Variants in PCCA observed in about 807,000 individuals in gnomAD.
The protein encoded by PCCA is propionyl-CoA carboxylase alpha chain, mitochondrial.
In PCCA, 74 loss-of-function variants were observed where a neutral mutation model predicts 101.3. That is an observed-to-expected ratio of 0.73 (90% CI 0.61 to 0.89). The LOEUF (loss-of-function observed/expected upper bound fraction) is 0.89. Among genes scored for constraint, PCCA ranks in the 40% least tolerant of loss-of-function variants. The pLI is 0.00. For synonymous variants in PCCA, 294 were observed against 313.6 expected, an observed-to-expected ratio of 0.94 and a Z score of 0.66; for missense variants, 891 against 907.0, an observed-to-expected ratio of 0.98 and a Z score of 0.23.
chr13:100,286,209 A>G (rs2152642899), intron 12 of PCCA, among the ~76,000 whole-genome samples: 1 of 152,270 alleles, frequency 6.6e-6, no homozygotes, highest in African/African-American at 2.4e-5. Context: ...TTTATTTTTA[A>G]TAAAATTTTC....
At chr13:100,434,574 T>C (rs1159622856) in intron 20 of PCCA, among the ~76,000 whole-genome samples, 1 of 152,118 alleles carries the variant, frequency 6.6e-6, no homozygotes, top group Non-Finnish European at 1.5e-5. Context: ...GGGGAACTTC[T>C]CACCTGCAGA....
intron 14 of PCCA, among the ~76,000 whole-genome samples, chr13:100,306,585 C>T (rs941192166): frequency 2.6e-5 from 4 of 152,154 alleles, no homozygotes; most frequent in African/African-American, 9.7e-5. Context: ...ATATTTTGAA[C>T]TTGTGCTATC....
chr13:100,156,457 A>G (rs1479835706), intron 5 of PCCA, among the ~76,000 whole-genome samples: 1 of 152,164 alleles, frequency 6.6e-6, no homozygotes, highest in Non-Finnish European at 1.5e-5. Flanking sequence ...TTTTAGCAGA[A>G]TTATTTTACT....
chr13:100,149,004 A>T lies in PCCA; in HGVS notation c.301-5975A>T, dbSNP rs564697857. Among the ~76,000 whole-genome samples the T allele has an allele frequency of 2.0e-5, 3 of 152,272 alleles. No individual in the cohort carries two copies. In the East Asian group the frequency reaches 5.8e-4, roughly 29 times the overall value. ...GAATCAAAGCGAATCTTTAAAAAAA[A>T]TCATTTTGTTTTCTATGATCAAATT... On this transcript the variant is annotated intron_variant, in intron 4 of 23. Coordinates refer to ENST00000376285, the MANE Select transcript of PCCA (RefSeq NM_000282.4).
At chr13:100,185,693 G>C (rs1254423721) in intron 6 of PCCA, among the ~76,000 whole-genome samples, 3 of 147,890 alleles carry the variant, frequency 2.0e-5, no homozygotes, top group African/African-American at 5.0e-5. Flanking sequence ...TGTTGCCCAC[G>C]CTGGAGTGCA....
At chr13:100,336,472 A>C (rs918174014) in intron 17 of PCCA, among the ~76,000 whole-genome samples, 1 of 152,178 alleles carries the variant, frequency 6.6e-6, no homozygotes, top group Non-Finnish European at 1.5e-5. Flanking sequence ...AGGTGCTGTT[A>C]CATGGTTTTG....
intron 18 of PCCA, among the ~76,000 whole-genome samples, chr13:100,352,399 C>CT (rs67318662): frequency 0.022 from 2,907 of 134,526 alleles, 92 homozygotes; most frequent in African/African-American, 0.069. Context: ...ACAAAATAGC[C>CT]TTTTTTTTTT....
At chr13:100,387,322 C>G (rs1177723614) in intron 19 of PCCA, among the ~76,000 whole-genome samples, 1 of 152,160 alleles carries the variant, frequency 6.6e-6, no homozygotes, top group Non-Finnish European at 1.5e-5. Context: ...GGTGTATGAA[C>G]TACCCAGAGA....
At chr13:100,529,646 A>G (rs1387634647) in intron 23 of PCCA, among the ~76,000 whole-genome samples, 1 of 152,174 alleles carries the variant, frequency 6.6e-6, no homozygotes, top group Non-Finnish European at 1.5e-5. Context: ...TCAGCAGCTG[A>G]TCTGACTGTC....
At chr13:100,263,476 T>A (rs1276398923) in intron 10 of PCCA, among the ~76,000 whole-genome samples, 1 of 152,190 alleles carries the variant, frequency 6.6e-6, no homozygotes, top group Non-Finnish European at 1.5e-5. Context: ...GGGAACCAGA[T>A]AAATAAAAGG....
intron 19 of PCCA, among the ~76,000 whole-genome samples, chr13:100,401,158 A>G (rs955094691): frequency 1.3e-5 from 2 of 152,038 alleles, no homozygotes; most frequent in Admixed American, 1.3e-4. Flanking sequence ...TCAAAGTAGC[A>G]TTGCTTGAAA....
intron 18 of PCCA, among the ~76,000 whole-genome samples, chr13:100,353,528 A>G (rs1463022477): frequency 2.0e-5 from 3 of 152,250 alleles, no homozygotes; most frequent in South Asian, 2.1e-4. Flanking sequence ...CAAATAACCA[A>G]TAGATTTACA....
chr13:100,444,629 G>A (rs1249798549), intron 20 of PCCA, among the ~76,000 whole-genome samples: 1 of 151,884 alleles, frequency 6.6e-6, no homozygotes, highest in Admixed American at 6.6e-5. Flanking sequence ...TTTTAGTAGA[G>A]ATGGAGTTTC....
At chr13:100,120,911 C>T (rs1004150280) in intron 4 of PCCA, among the ~76,000 whole-genome samples, 7 of 152,082 alleles carry the variant, frequency 4.6e-5, no homozygotes, top group Admixed American at 2.6e-4. Flanking sequence ...GCTATCTCAA[C>T]GTTTTTAAGT....
chr13:100,459,560 T>C (rs1229582023), intron 21 of PCCA, among the ~76,000 whole-genome samples: 2 of 152,154 alleles, frequency 1.3e-5, no homozygotes, highest in African/African-American at 4.8e-5. Context: ...AAAGTGAGCA[T>C]AGAAAGGTTA....
chr13:100,422,094 C>CTTTCTTTCTTTCTTTCTT (rs2078830974), intron 19 of PCCA, among the ~76,000 whole-genome samples: 1 of 132,024 alleles, frequency 7.6e-6, no homozygotes, highest in East Asian at 2.1e-4. Context: ...TTCTTTCTTT[C>CTTTCTTTCTTTCTTTCTT]TTTCTTTCTT....
At chr13:100,109,463 T>A (rs191753157) in intron 2 of PCCA, among the ~76,000 whole-genome samples, 2 of 152,340 alleles carry the variant, frequency 1.3e-5, no homozygotes, top group Admixed American at 1.3e-4. Flanking sequence ...AACAATTGCT[T>A]AATATGTAAT....
intron 6 of PCCA, among the ~76,000 whole-genome samples, chr13:100,199,564 C>A (rs555253229): frequency 6.6e-6 from 1 of 152,234 alleles, no homozygotes; most frequent in South Asian, 2.1e-4. Flanking sequence ...CACTTGAATT[C>A]AGAGATGGGA....
At chr13:100,116,635 A>G (rs2048825715) in intron 4 of PCCA, among the ~76,000 whole-genome samples, 1 of 131,550 alleles carries the variant, frequency 7.6e-6, no homozygotes, top group Admixed American at 7.5e-5. Context: ...TTTAGATACC[A>G]TGAACAAGAT....
Sources: gnomAD v4.1 joint callset for allele counts (sites outside exome capture counted in the v4.1 genomes callset) on GRCh38, gnomAD v4.1.1 for gene constraint, MANE v1.5 for transcripts, NCBI Gene and HGNC (gene_info 2026-07-23, HGNC 2026-07-21) for gene names.